NUCB1: variants seen among roughly 807,000 people sequenced by gnomAD.
NUCB1 encodes nucleobindin-1.
In NUCB1, 47 loss-of-function variants were observed where a neutral mutation model predicts 61.2. The observed-to-expected ratio is 0.77, with a 90% CI of 0.61 to 0.98. NUCB1 has a LOEUF of 0.98. Among genes scored for constraint, NUCB1 ranks in the 50% least tolerant of loss-of-function variants. The pLI is 0.00. For synonymous variants in NUCB1, 234 were observed against 243.1 expected, an observed-to-expected ratio of 0.96 and a Z score of 0.35; for missense variants, 583 against 605.3, an observed-to-expected ratio of 0.96 and a Z score of 0.39.
chr19:48,919,392 A>G (rs1430120538), intron 10 of NUCB1, 106 bp downstream of exon 10: 16 of 767,444 alleles, frequency 2.1e-5, no homozygotes, highest in South Asian at 1.7e-4. Context: ...GTCCCCGTCC[A>G]TTCTCCTGGG....
At chr19:48,921,981 G>A (rs1205100598) in intron 12 of NUCB1, 49 bp downstream of exon 12, 2 of 1,438,200 alleles carry the variant, frequency 1.4e-6, no homozygotes, top group Middle Eastern at 2.1e-4. Flanking sequence ...GGACCCCTGG[G>A]TCTGAGGTTG....
At chr19:48,920,130 A>G (rs192032681) in intron 10 of NUCB1, among the ~76,000 whole-genome samples, 5 of 151,920 alleles carry the variant, frequency 3.3e-5, no homozygotes, top group African/African-American at 1.2e-4. Flanking sequence ...GCTGCTCTGA[A>G]ACTCCTGGAC....
At chr19:48,911,991 C>T (rs2037478993) in intron 5 of NUCB1, among the ~76,000 whole-genome samples, 1 of 151,038 alleles carries the variant, frequency 6.6e-6, no homozygotes, top group Admixed American at 6.7e-5. Flanking sequence ...AGTTAGAAAC[C>T]TCTTGTTCTT....
chr19:48,904,724 A>G (rs2037394131), intron 3 of NUCB1, among the ~76,000 whole-genome samples: 1 of 151,814 alleles, frequency 6.6e-6, no homozygotes. Flanking sequence ...GGGTTTCACC[A>G]TGTTGGCCAG....
intron 2 of NUCB1, 54 bp from the exon 3 acceptor site, chr19:48,904,293 G>C: frequency 8.4e-7 from 1 of 1,190,226 alleles, no homozygotes; most frequent in Non-Finnish European, 1.3e-6. Context: ...ACAGGAGTGA[G>C]GGTGGGGATG....
At chr19:48,906,950 C>G (rs112580565) in intron 4 of NUCB1, among the ~76,000 whole-genome samples, 4,649 of 151,510 alleles carry the variant, frequency 0.031, 85 homozygotes, top group Admixed American at 0.056. Context: ...TCAGGTCACA[C>G]TGTTTTTCCT....
chr19:48,900,972 T>C (rs2037348256), intron 2 of NUCB1, 41 bp downstream of exon 2: 1 of 1,611,996 alleles, frequency 6.2e-7, no homozygotes, highest in Non-Finnish European at 8.5e-7. Context: ...GTGTTTGCAG[T>C]GGTACTACAG....
intron 2 of NUCB1, among the ~76,000 whole-genome samples, chr19:48,903,621 G>A (rs1488117698): frequency 3.3e-4 from 45 of 137,802 alleles, no homozygotes; most frequent in Middle Eastern, 3.8e-3. Flanking sequence ...TGGATGGATG[G>A]ATGGACGGGT....
At chr19:48,916,171 C>CGT (rs143557740) in intron 7 of NUCB1, among the ~76,000 whole-genome samples, 19,083 of 147,624 alleles carry the variant, frequency 0.13, 1,253 homozygotes, top group Middle Eastern at 0.2. Flanking sequence ...TGGTATTTGT[C>CGT]GTGTGTGTGT....
rs370804111 is a variant in NUCB1, at chr19:48,921,220, C to T, written c.1069C>T (p.Arg357Trp). ...GCGCTTTGAAGAGGAGCTGGCTGCC[C>T]GGGAGGCAGAGCTGAATGCCAAGGC... ...LRRFEEELAA[R>W]EAELNAKAQR... The change falls in exon 11 of 13, where the codon CGG (arginine) becomes TGG (tryptophan). Residue 357 changes from arginine (R) to tryptophan (W), a missense_variant. Arg to Trp is a moderately radical substitution (Grantham distance 101, BLOSUM62 -3). Coordinates refer to ENST00000405315, the MANE Select transcript of NUCB1 (RefSeq NM_006184.6). 79 of 1,613,138 alleles carry T rather than the reference C, an allele frequency of 4.9e-5. No homozygotes were observed. The highest frequency in any genetic ancestry group is 6.7e-5 in the Admixed American group (4 of 59,996).
rs772144221 is a variant in NUCB1 at position 48,907,794 on chromosome 19, G to A, written c.376+1909G>A. On this transcript the variant is annotated intron_variant, in intron 4 of 12. Coordinates refer to ENST00000405315, the MANE Select transcript of NUCB1 (RefSeq NM_006184.6). The stretch of plus-strand genomic sequence containing the variant: ...GCATTCATGTTCCTCTTGTCTGCTC[G>A]GAGCCTGGGTGGACCTTGGCCACAC... 7.9e-5 allele frequency among the ~76,000 whole-genome samples: 12 copies of A among 152,150 alleles called. No homozygotes were observed. In the South Asian group the frequency reaches 8.3e-4, roughly 10 times the overall value.
chr19:48,909,548 A>G (rs1010807068), intron 4 of NUCB1, among the ~76,000 whole-genome samples: 1 of 149,736 alleles, frequency 6.7e-6, no homozygotes, highest in Admixed American at 6.7e-5. Flanking sequence ...CGCCCGGCCT[A>G]TTATTATTTT....
At position 48,913,564 on chromosome 19, in the gene NUCB1, G is replaced by A; in HGVS notation, c.757G>A (p.Asp253Asn). 1 of 1,612,212 alleles carries A rather than the reference G, an allele frequency of 6.2e-7. No individual in the cohort carries two copies. Among genetic ancestry groups the A allele is most frequent in the South Asian group, 1.1e-5 (1 of 91,052 alleles). Residue 253 changes from aspartate to asparagine, a missense_variant and splice_region_variant, in exon 7 of 13, where the codon GAT (aspartate) becomes AAT (asparagine). Transcript: ENST00000405315. ...FNPKTFFILH[D>N]INSDGVLDEQ... The stretch of plus-strand genomic sequence containing the variant: ...CCCCAAGACCTTCTTCATACTGCAT[G>A]GTAAGGTGGGGAGGGAGTTCCAGAG...
chr19:48,918,892 C>T, intron 8 of NUCB1, 108 bp downstream of exon 8: 2 of 1,307,454 alleles, frequency 1.5e-6, no homozygotes, highest in South Asian at 2.5e-5. Flanking sequence ...GTGAAAACTA[C>T]AACTCCCATC....
intron 10 of NUCB1, among the ~76,000 whole-genome samples, chr19:48,919,914 G>C (rs1040623037): frequency 1.3e-5 from 2 of 151,642 alleles, no homozygotes; most frequent in African/African-American, 4.8e-5. Context: ...GATTACAGGC[G>C]TGAGCCACCA....
chr19:48,919,130 G>A lies in NUCB1; in HGVS notation c.909+8G>A. 2 of 1,614,004 alleles carry A rather than the reference G, an allele frequency of 1.2e-6. No individual in the cohort carries two copies. Among genetic ancestry groups the A allele is most frequent in the Non-Finnish European group, 1.7e-6 (2 of 1,179,930 alleles). ...GAGCATGTGATGAAGAATGTGAGGTGGGGGCCAGGCGGGGGAGAGGACGGG... is the reference window on the plus strand; with the variant it reads ...GAGCATGTGATGAAGAATGTGAGGTAGGGGCCAGGCGGGGGAGAGGACGGG... On this transcript the variant is annotated splice_region_variant and intron_variant, in intron 9 of 12. Coordinates refer to ENST00000405315, the MANE Select transcript of NUCB1 (RefSeq NM_006184.6).
chr19:48,909,947 A>C (rs559255534), intron 4 of NUCB1, among the ~76,000 whole-genome samples: 7 of 152,304 alleles, frequency 4.6e-5, no homozygotes, highest in African/African-American at 1.4e-4. Context: ...TCTCCAAATC[A>C]GGTCACATTC....
intron 5 of NUCB1, 60 bp from the exon 6 acceptor site, chr19:48,912,950 AG>A (rs1260807204): frequency 7.3e-7 from 1 of 1,370,930 alleles, no homozygotes. Flanking sequence ...TGCCATTTAC[AG>A]GCTGGAATTG....
intron 10 of NUCB1, 137 bp from the exon 11 acceptor site, chr19:48,921,017 C>A: frequency 1.2e-6 from 1 of 842,264 alleles, no homozygotes; most frequent in Non-Finnish European, 1.8e-6. Context: ...CCACCTCCCA[C>A]TTGGGCTTCT....
Sources: allele counts gnomAD v4.1 joint callset (sites outside exome capture counted in the v4.1 genomes callset), GRCh38; gene constraint gnomAD v4.1.1; transcripts MANE v1.5; gene names NCBI Gene and HGNC (gene_info 2026-07-23, HGNC 2026-07-21).